Variants in GHR observed in about 807,000 individuals in gnomAD.
The protein encoded by GHR is growth hormone receptor.
A neutral mutation model predicts 67.1 loss-of-function variants in GHR; 35 were observed. The ratio of observed to expected loss-of-function variants is 0.52; its 90% CI spans 0.40 to 0.69. The LOEUF is 0.69. Ranked by LOEUF, GHR falls within the 30% of genes least tolerant of loss-of-function variation. The pLI is 0.00. For missense variants in GHR, 792 were observed against 764.6 expected, an observed-to-expected ratio of 1.04 and a Z score of -0.42; for synonymous variants, 272 against 269.1, an observed-to-expected ratio of 1.01 and a Z score of -0.10.
chr5:42,661,390 T>G (rs1050075641), intron 3 of GHR, among the ~76,000 whole-genome samples: 1 of 152,238 alleles, frequency 6.6e-6, no homozygotes, highest in Admixed American at 6.5e-5. Flanking sequence ...AGCCCATCAG[T>G]CTAACAGCTA....
At chr5:42,476,973 C>A (rs1224430175) in intron 1 of GHR, among the ~76,000 whole-genome samples, 1 of 151,924 alleles carries the variant, frequency 6.6e-6, no homozygotes, top group Non-Finnish European at 1.5e-5. Context: ...TGTTGGTGTG[C>A]TGCACCCATT....
At chr5:42,516,466 C>T (rs1443155608) in intron 1 of GHR, among the ~76,000 whole-genome samples, 1 of 152,076 alleles carries the variant, frequency 6.6e-6, no homozygotes, top group Non-Finnish European at 1.5e-5. Flanking sequence ...TCCTGGGCTT[C>T]AGGGTTCCCT....
intron 1 of GHR, among the ~76,000 whole-genome samples, chr5:42,546,697 A>G (rs567124659): frequency 7.2e-5 from 11 of 152,300 alleles, no homozygotes; most frequent in South Asian, 6.2e-4. Context: ...TGCCATGATG[A>G]TAATTATGTT....
rs192710920 is a variant in GHR at position 42,491,739 on chromosome 5, G to A, written c.-12+67784G>A. 4.7e-3 allele frequency among the ~76,000 whole-genome samples: 714 copies of A among 152,280 alleles called. 6 individuals are homozygous for A. The highest frequency in any genetic ancestry group is 0.013 in the African/African-American group (530 of 41,558). On this transcript the variant is annotated intron_variant, in intron 1 of 9. Coordinates refer to ENST00000230882, the MANE Select transcript of GHR (RefSeq NM_000163.5). Reference sequence around the variant, plus strand: ...AGAGAATTCCCCAGGCCCTCAAGAAGGAAGGCGGAATGGATGAGGAAGTCT... The same window carrying A: ...AGAGAATTCCCCAGGCCCTCAAGAAAGAAGGCGGAATGGATGAGGAAGTCT...
At chr5:42,543,096 A>C (rs1392692546) in intron 1 of GHR, among the ~76,000 whole-genome samples, 1 of 152,148 alleles carries the variant, frequency 6.6e-6, no homozygotes, top group African/African-American at 2.4e-5. Context: ...TGATAAACAT[A>C]CATGAGCAGG....
intron 2 of GHR, among the ~76,000 whole-genome samples, chr5:42,575,262 A>G (rs1750589995): frequency 6.6e-6 from 1 of 152,174 alleles, no homozygotes; most frequent in Admixed American, 6.5e-5. Flanking sequence ...GTCAGGAGAA[A>G]CAGTTTAGAT....
chr5:42,537,261 T>A (rs1748299743), intron 1 of GHR, among the ~76,000 whole-genome samples: 1 of 152,152 alleles, frequency 6.6e-6, no homozygotes, highest in Non-Finnish European at 1.5e-5. Context: ...AAAGTCACTT[T>A]GTGTTCTTTC....
At chr5:42,577,175 C>G (rs1750793591) in intron 2 of GHR, among the ~76,000 whole-genome samples, 1 of 152,136 alleles carries the variant, frequency 6.6e-6, no homozygotes, top group South Asian at 2.1e-4. Context: ...AATGTATGCC[C>G]AAATACAGCT....
rs147851081 is a variant in GHR, at chr5:42,474,295, G to GAAAGAAAGAAAGAA, written c.-12+50341_-12+50342insAAGAAAGAAAGAAA. 7.8e-3 allele frequency among the ~76,000 whole-genome samples: 631 copies of GAAAGAAAGAAAGAA among 81,078 alleles called. 10 individuals are homozygous for GAAAGAAAGAAAGAA. Among genetic ancestry groups the GAAAGAAAGAAAGAA allele is most frequent in the Middle Eastern group, 0.012 (2 of 172 alleles). 53.2% of individuals were successfully genotyped at this position (81,078 alleles called of 152,430 possible). A position where few individuals can be genotyped will look rare whatever the true frequency, so the allele number is the denominator to read the frequency against. ...AGAAAGAAAGAAAGAAAAAGAGAAA[G>GAAAGAAAGAAAGAA]AGAAAGAAAGAAAGAAAGAAAGAAA... On this transcript the variant is annotated intron_variant, in intron 1 of 9. Transcript: ENST00000230882.
intron 3 of GHR, among the ~76,000 whole-genome samples, chr5:42,665,133 C>T (rs923880130): frequency 2.0e-5 from 3 of 152,158 alleles, no homozygotes; most frequent in Non-Finnish European, 4.4e-5. Flanking sequence ...AATAGGAACA[C>T]TTTTACACTG....
At chr5:42,701,066 G>C (rs367742549) in intron 6 of GHR, among the ~76,000 whole-genome samples, 16 of 152,246 alleles carry the variant, frequency 1.1e-4, no homozygotes, top group East Asian at 5.8e-4. Flanking sequence ...CTGAGGTGGC[G>C]GTTCTCAAAG....
chr5:42,512,332 A>C (rs1004538370), intron 1 of GHR, among the ~76,000 whole-genome samples: 8 of 152,240 alleles, frequency 5.3e-5, no homozygotes, highest in African/African-American at 1.4e-4. Context: ...TGAGGTGTTC[A>C]GGGAATGGTG....
At chr5:42,532,327 T>C (rs1345306081) in intron 1 of GHR, among the ~76,000 whole-genome samples, 2 of 149,842 alleles carry the variant, frequency 1.3e-5, no homozygotes, top group Non-Finnish European at 3.0e-5. Flanking sequence ...AAGGTATAGA[T>C]TTGGAGGTCT....
intron 3 of GHR, among the ~76,000 whole-genome samples, chr5:42,641,328 G>A (rs3884519): frequency 0.34 from 52,060 of 152,006 alleles, 10,314 homozygotes; most frequent in African/African-American, 0.55. Flanking sequence ...AATACAGAAT[G>A]TTTGTATAGG....
intron 1 of GHR, among the ~76,000 whole-genome samples, chr5:42,448,573 CTATTATTATTAT>C (rs56084873): frequency 0.014 from 2,023 of 144,316 alleles, 43 homozygotes; most frequent in African/African-American, 0.047. Flanking sequence ...TATCTGTTTA[CTATTATTATTAT>C]TATTATTATT....
At chr5:42,541,080 C>T (rs951609222) in intron 1 of GHR, among the ~76,000 whole-genome samples, 1 of 151,970 alleles carries the variant, frequency 6.6e-6, no homozygotes, top group African/African-American at 2.4e-5. Context: ...GTTCATTCAC[C>T]TAATAAATTC....
chr5:42,458,517 T>TAAAAAACCCTGG (rs1172282616), intron 1 of GHR, among the ~76,000 whole-genome samples: 1 of 151,836 alleles, frequency 6.6e-6, no homozygotes, highest in Non-Finnish European at 1.5e-5. Flanking sequence ...CCTAAAACTA[T>TAAAAAACCCTGG]AAAAAACCCT....
chr5:42,573,946 C>T (rs1028088124), intron 2 of GHR, among the ~76,000 whole-genome samples: 6 of 129,726 alleles, frequency 4.6e-5, no homozygotes, highest in East Asian at 1.9e-4. Flanking sequence ...TAAATATTAA[C>T]GGATTCACCT....
chr5:42,429,728 A>G (rs1375647115), intron 1 of GHR, among the ~76,000 whole-genome samples: 1 of 152,244 alleles, frequency 6.6e-6, no homozygotes, highest in Non-Finnish European at 1.5e-5. Flanking sequence ...ATTTCTCCCT[A>G]TCAAGGAATA....
Sources: allele counts gnomAD v4.1 joint callset (sites outside exome capture counted in the v4.1 genomes callset), GRCh38; gene constraint gnomAD v4.1.1; transcripts MANE v1.5; gene names NCBI Gene and HGNC (gene_info 2026-07-23, HGNC 2026-07-21).